The following FOCAD variants were observed in gnomAD, a reference collection of about 807,000 sequenced individuals.
The protein encoded by FOCAD is focadhesin, also known as KIAA1797.
FOCAD carries 198 observed loss-of-function variants against 225.6 expected under a neutral mutation model. The ratio of observed to expected loss-of-function variants is 0.88; its 90% CI spans 0.78 to 0.99. FOCAD has a LOEUF of 0.99. FOCAD is among the 50% of genes least tolerant of loss of function. FOCAD has a pLI of 0.00. For missense variants in FOCAD, 2,713 were observed against 2,123.6 expected, an observed-to-expected ratio of 1.28 and a Z score of -5.46; for synonymous variants, 897 against 755.0, an observed-to-expected ratio of 1.19 and a Z score of -3.08.
intron 1 of FOCAD, among the ~76,000 whole-genome samples, chr9:20,699,934 A>G (rs894735756): frequency 3.3e-5 from 5 of 150,614 alleles, no homozygotes; most frequent in Admixed American, 6.6e-5. Context: ...TACTCTGTCA[A>G]TTGGATGTCA....
chr9:20,938,433 A>T (rs1391966667), intron 28 of FOCAD, among the ~76,000 whole-genome samples: 2 of 152,180 alleles, frequency 1.3e-5, no homozygotes, highest in African/African-American at 4.8e-5. Flanking sequence ...CTTTGTAGGG[A>T]CATGGATGAA....
At chr9:20,911,363 ACT>A (rs968746142) in intron 22 of FOCAD, among the ~76,000 whole-genome samples, 3 of 152,080 alleles carry the variant, frequency 2.0e-5, no homozygotes, top group African/African-American at 7.2e-5. Context: ...AAATACACAA[ACT>A]CTGTAGATCG....
At chr9:20,945,124 A>G (rs1837052774) in intron 29 of FOCAD, among the ~76,000 whole-genome samples, 1 of 152,266 alleles carries the variant, frequency 6.6e-6, no homozygotes, top group African/African-American at 2.4e-5. Flanking sequence ...AAAAATGCCC[A>G]GGAATAAGCT....
chr9:20,670,761 G>A (rs1822041828), intron 2 of FOCAD, among the ~76,000 whole-genome samples: 1 of 152,070 alleles, frequency 6.6e-6, no homozygotes, highest in South Asian at 2.1e-4. Context: ...GAGTTAATTT[G>A]CCCAAGGTCA....
intron 35 of FOCAD, among the ~76,000 whole-genome samples, chr9:20,968,217 C>G (rs1839437546): frequency 6.6e-6 from 1 of 152,006 alleles, no homozygotes; most frequent in South Asian, 2.1e-4. Context: ...TCGATTTAAT[C>G]TAGATTATCT....
At chr9:20,700,736 C>A (rs929614335) in intron 1 of FOCAD, among the ~76,000 whole-genome samples, 2 of 152,182 alleles carry the variant, frequency 1.3e-5, no homozygotes, top group Admixed American at 1.3e-4. Context: ...AGATTCCTCT[C>A]TATTTCTTAG....
intron 1 of FOCAD, 37 bp from the exon 2 acceptor site, chr9:20,715,285 T>C: frequency 9.8e-7 from 1 of 1,017,594 alleles, no homozygotes; most frequent in South Asian, 2.4e-5. Context: ...TCAGACCAGT[T>C]GGAAGACTAA....
chr9:20,886,913 G>GGT (rs1399757626), intron 21 of FOCAD, among the ~76,000 whole-genome samples: 1 of 152,180 alleles, frequency 6.6e-6, no homozygotes, highest in African/African-American at 2.4e-5. Context: ...AACACTGTGA[G>GGT]GTAGGTGCTG....
intron 15 of FOCAD, among the ~76,000 whole-genome samples, chr9:20,835,462 T>C (rs1825903556): frequency 6.6e-6 from 1 of 152,102 alleles, no homozygotes; most frequent in Non-Finnish European, 1.5e-5. Context: ...AGGAACAATT[T>C]AAATTTTACT....
At chr9:20,717,125 C>T (rs769135815) in intron 2 of FOCAD, among the ~76,000 whole-genome samples, 7 of 152,174 alleles carry the variant, frequency 4.6e-5, no homozygotes, top group Non-Finnish European at 1.0e-4. Flanking sequence ...TGACTTATAT[C>T]ACAAAACTAG....
chr9:20,801,119 A>G (rs747972157), intron 11 of FOCAD, among the ~76,000 whole-genome samples: 3 of 152,066 alleles, frequency 2.0e-5, no homozygotes, highest in Non-Finnish European at 2.9e-5. Context: ...TCCACTCCAG[A>G]CCCTGTTTGC....
rs369367952 is a variant in FOCAD at position 20,815,527 on chromosome 9, C to G, written c.1456-4269C>G. The stretch of plus-strand genomic sequence containing the variant: ...CAGTACCTACCCACCCACCCCTGCC[C>G]ACTCCTTTCAGCACTTTAAATATAT... On this transcript the variant is annotated intron_variant, in intron 11 of 43. Coordinates refer to ENST00000338382, the MANE Select transcript of FOCAD (RefSeq NM_001375567.1). Among the ~76,000 whole-genome samples the G allele has an allele frequency of 6.6e-5, 10 of 151,892 alleles. No individual in the cohort carries two copies. The South Asian group carries it at 1.0e-3, about 16-fold the overall frequency.
chr9:20,952,313 A>G (rs1361947240), intron 34 of FOCAD: 1 of 152,286 alleles, frequency 6.6e-6, no homozygotes, highest in African/African-American at 2.4e-5. Context: ...AAGTACAGCT[A>G]CTTGTTCCTG....
chr9:20,979,962 C>T (rs377355772), intron 37 of FOCAD, among the ~76,000 whole-genome samples: 1 of 152,236 alleles, frequency 6.6e-6, no homozygotes, highest in East Asian at 1.9e-4. Flanking sequence ...AGTACCTTTA[C>T]AGGTTTTTCA....
intron 1 of FOCAD, among the ~76,000 whole-genome samples, chr9:20,707,713 G>A (rs1454685154): frequency 6.6e-6 from 1 of 152,170 alleles, no homozygotes; most frequent in Non-Finnish European, 1.5e-5. Flanking sequence ...GGTTGGTCTT[G>A]CTGTCTCAGG....
At chr9:20,967,946 T>C (rs2132515010) in intron 35 of FOCAD, among the ~76,000 whole-genome samples, 1 of 152,318 alleles carries the variant, frequency 6.6e-6, no homozygotes, top group African/African-American at 2.4e-5. Context: ...TTATGATGTC[T>C]ATGATATCAG....
At chr9:20,676,645 G>C (rs1339055805) in intron 2 of FOCAD, among the ~76,000 whole-genome samples, 1 of 152,152 alleles carries the variant, frequency 6.6e-6, no homozygotes, top group Non-Finnish European at 1.5e-5. Context: ...ATTTGCAGGA[G>C]ATATATTTTC....
intron 35 of FOCAD, among the ~76,000 whole-genome samples, chr9:20,970,343 T>C (rs1839658744): frequency 6.6e-6 from 1 of 152,140 alleles, no homozygotes; most frequent in African/African-American, 2.4e-5. Context: ...TACGTTGGTA[T>C]GCTTGATGTA....
intron 15 of FOCAD, among the ~76,000 whole-genome samples, chr9:20,840,227 T>G (rs1440433130): frequency 6.6e-6 from 1 of 152,102 alleles, no homozygotes; most frequent in African/African-American, 2.4e-5. Flanking sequence ...GGGATTGCAA[T>G]AAATTTATAG....
Sources: gnomAD v4.1 joint callset for allele counts (sites outside exome capture counted in the v4.1 genomes callset) on GRCh38, gnomAD v4.1.1 for gene constraint, MANE v1.5 for transcripts, NCBI Gene and HGNC (gene_info 2026-07-23, HGNC 2026-07-21) for gene names.